Variants in MSI2 observed in about 807,000 individuals in gnomAD.
The protein encoded by MSI2 is musashi RNA binding protein 2.
MSI2 carries 17 observed loss-of-function variants against 45.6 expected under a neutral mutation model. The observed-to-expected ratio is 0.37, with a 90% CI of 0.26 to 0.56. The LOEUF (loss-of-function observed/expected upper bound fraction) is 0.56, where lower values mean the gene tolerates loss of function less well. MSI2 is among the 20% of genes least tolerant of loss of function. The pLI is 0.77. For missense variants in MSI2, 293 were observed against 444.2 expected (o/e 0.66, Z 3.06); for synonymous variants, 156 against 158.2 (o/e 0.99, Z 0.11).
Position 57,545,293 on chromosome 17 carries a change from C to T in MSI2, c.454+15569C>T, listed in dbSNP as rs145289001. On this transcript the variant is annotated intron_variant, in intron 7 of 13. Transcript: ENST00000284073. ...AGATTCTTTGGGCAAAGGTTATCTG[C>T]GCTGAAGATGAAACTCCCATATGTC... Among the ~76,000 whole-genome samples, 26 of 152,232 alleles carry T rather than the reference C, an allele frequency of 1.7e-4. No individual in the cohort carries two copies. In the East Asian group the frequency reaches 3.1e-3, roughly 18 times the overall value.
At chr17:57,495,117 T>C (rs2085950018) in intron 6 of MSI2, among the ~76,000 whole-genome samples, 1 of 152,092 alleles carries the variant, frequency 6.6e-6, no homozygotes, top group African/African-American at 2.4e-5. Context: ...ATGTCTGAAC[T>C]GACGCTCTCT....
downstream of MSI2, among the ~76,000 whole-genome samples, chr17:57,685,757 A>T (rs2144778418): frequency 6.6e-6 from 1 of 152,350 alleles, no homozygotes. Context: ...GTTTAGGGGC[A>T]GGAGAGAAGA....
the MSI2 span, among the ~76,000 whole-genome samples, chr17:57,693,077 C>T: frequency 1.3e-5 from 2 of 152,108 alleles, no homozygotes; most frequent in African/African-American, 4.8e-5. Flanking sequence ...ATTTCAATTA[C>T]AGAATGTTTG....
At chr17:57,583,488 C>CTTTTTTTTTTTTTTTTTTT (rs5821192) in intron 7 of MSI2, among the ~76,000 whole-genome samples, 2 of 98,026 alleles carry the variant, frequency 2.0e-5, no homozygotes, top group African/African-American at 7.8e-5. Context: ...CCCAATGTTT[C>CTTTTTTTTTTTTTTTTTTT]TTTTTTTTTT....
intron 7 of MSI2, among the ~76,000 whole-genome samples, chr17:57,574,747 G>A (rs961580327): frequency 1.3e-5 from 2 of 152,032 alleles, no homozygotes; most frequent in Non-Finnish European, 2.9e-5. Flanking sequence ...GTGGAGCTTC[G>A]GTTTCATCAG....
rs1449799323 is a variant in MSI2 at position 57,310,909 on chromosome 17, A to G, written c.312+48717A>G. ...CTTTTCTGCCCCTTACTATCTGGGG[A>G]CCCTTGGCATATTGCCTGTTCTTTC... On this transcript the variant is annotated intron_variant, in intron 5 of 13. Transcript: ENST00000284073. Among the ~76,000 whole-genome samples the G allele has an allele frequency of 3.3e-5, 5 of 152,268 alleles. No individual in the cohort carries two copies. The South Asian group carries it at 8.3e-4, about 25-fold the overall frequency.
intron 6 of MSI2, among the ~76,000 whole-genome samples, chr17:57,479,240 T>A (rs963539177): frequency 1.3e-5 from 2 of 152,168 alleles, no homozygotes; most frequent in African/African-American, 4.8e-5. Context: ...CAAGCCATTT[T>A]TTGGGAATGG....
intron 10 of MSI2, among the ~76,000 whole-genome samples, chr17:57,648,802 C>T (rs1910894279): frequency 6.6e-6 from 1 of 152,186 alleles, no homozygotes; most frequent in Non-Finnish European, 1.5e-5. Context: ...GCAGTCCCCT[C>T]CTTGATAACC....
chr17:57,347,905 C>T (rs1053319590), intron 5 of MSI2, among the ~76,000 whole-genome samples: 9 of 152,212 alleles, frequency 5.9e-5, no homozygotes, highest in African/African-American at 2.2e-4. Context: ...TGCCCTTTGC[C>T]AGGCCCTGGG....
At chr17:57,684,721 G>A (rs1913817600), downstream of MSI2, 1 of 152,818 alleles carries the variant, frequency 6.5e-6, no homozygotes. Context: ...TGCAGAGGAG[G>A]TCTGGGGTCT....
intron 7 of MSI2, among the ~76,000 whole-genome samples, chr17:57,541,228 TCA>T (rs1449569865): frequency 5.3e-5 from 8 of 152,046 alleles, no homozygotes; most frequent in Admixed American, 5.2e-4. Flanking sequence ...CCTGCAGGGC[TCA>T]GTCATTTCTT....
intron 7 of MSI2, among the ~76,000 whole-genome samples, chr17:57,550,203 T>C (rs2087271687): frequency 6.6e-6 from 1 of 152,156 alleles, no homozygotes; most frequent in South Asian, 2.1e-4. Flanking sequence ...CTTGCAGAAC[T>C]GTTCTTAGAG....
chr17:57,503,847 C>A (rs1287931191), intron 6 of MSI2, among the ~76,000 whole-genome samples: 1 of 152,188 alleles, frequency 6.6e-6, no homozygotes, highest in Non-Finnish European at 1.5e-5. Context: ...CAGGTTCAAG[C>A]GATTCTCCTG....
chr17:57,536,800 G>A lies in MSI2; in HGVS notation c.454+7076G>A, dbSNP rs148590687. ...CCTCCCAGAGCTTTCAGTTTAGTCC[G>A]TAGTGTGATGTAACATGCCAGCTGG... is the stretch of plus-strand genomic sequence containing the variant. On this transcript the variant is annotated intron_variant, in intron 7 of 13. Transcript: ENST00000284073. Among the ~76,000 whole-genome samples, 849 of 152,320 alleles carry A rather than the reference G, an allele frequency of 5.6e-3. 4 individuals are homozygous for A. Among genetic ancestry groups the A allele is most frequent in the South Asian group, 0.022 (104 of 4,828 alleles).
downstream of MSI2, among the ~76,000 whole-genome samples, chr17:57,686,449 T>C (rs1263940157): frequency 1.3e-5 from 2 of 152,182 alleles, no homozygotes; most frequent in Non-Finnish European, 2.9e-5. Flanking sequence ...TAAATATGAA[T>C]GGGTTGAATT....
Position 57,499,396 on chromosome 17 carries a change from G to A in MSI2, c.406-30280G>A, listed in dbSNP as rs572025876. 1.8e-4 allele frequency among the ~76,000 whole-genome samples: 26 copies of A among 144,072 alleles called. No individual in the cohort carries two copies. In the East Asian group the frequency reaches 4.5e-3, roughly 25 times the overall value. The allele number at this position is 144,072 out of a possible 152,430, so 94.5% of individuals were successfully genotyped here. Reference sequence around the variant, plus strand: ...GTCTTAAAAAAAAAAAAAAAAAAGGGCAGCTAAGGGCAATTCTGTATGCAT... The same window carrying A: ...GTCTTAAAAAAAAAAAAAAAAAAGGACAGCTAAGGGCAATTCTGTATGCAT... On this transcript the variant is annotated intron_variant, in intron 6 of 13. Coordinates refer to ENST00000284073, the MANE Select transcript of MSI2 (RefSeq NM_138962.4).
At chr17:57,350,559 A>G (rs959328634) in intron 5 of MSI2, among the ~76,000 whole-genome samples, 7 of 151,784 alleles carry the variant, frequency 4.6e-5, no homozygotes, top group African/African-American at 1.7e-4. Flanking sequence ...CAGCAGGGTC[A>G]TTTCTCCCTC....
At chr17:57,475,320 G>T (rs1413937415) in intron 6 of MSI2, among the ~76,000 whole-genome samples, 4 of 152,134 alleles carry the variant, frequency 2.6e-5, no homozygotes, top group African/African-American at 9.7e-5. Context: ...GTTTTTGGAT[G>T]GACAGATGGT....
chr17:57,285,884 A>G, intron 5 of MSI2: 4 of 1,528,164 alleles, frequency 2.6e-6, no homozygotes, highest in Non-Finnish European at 3.5e-6. Context: ...AGGTGTTTAG[A>G]TGATGAGGGG....
Sources: allele counts gnomAD v4.1 joint callset (sites outside exome capture counted in the v4.1 genomes callset), GRCh38; gene constraint gnomAD v4.1.1; transcripts MANE v1.5; gene names NCBI Gene and HGNC (gene_info 2026-07-23, HGNC 2026-07-21).